Variants in SMAD5 observed in about 807,000 individuals in gnomAD.
SMAD5 encodes the protein SMAD family member 5.
SMAD5 carries 9 observed loss-of-function variants against 43.1 expected under a neutral mutation model. The ratio of observed to expected loss-of-function variants is 0.21; its 90% CI spans 0.13 to 0.36. The LOEUF (loss-of-function observed/expected upper bound fraction) is 0.36, where lower values mean the gene tolerates loss of function less well. Among genes scored for constraint, SMAD5 ranks in the 10% least tolerant of loss-of-function variants. The pLI is 1.00. For missense variants in SMAD5, 348 were observed against 574.0 expected, an observed-to-expected ratio of 0.61 and a Z score of 4.02; for synonymous variants, 190 against 192.4, an observed-to-expected ratio of 0.99 and a Z score of 0.10.
At chr5:136,144,725 G>A (rs1230246124) in intron 1 of SMAD5, among the ~76,000 whole-genome samples, 1 of 151,858 alleles carries the variant, frequency 6.6e-6, no homozygotes, top group Non-Finnish European at 1.5e-5. Flanking sequence ...CTGCTCAGAA[G>A]CCAGATTGTC....
Position 136,172,531 on chromosome 5 carries a change from T to A in SMAD5, c.873T>A (p.Ser291=). The part of the protein sequence containing the change: ...NRVGEAFHAS[S]TSVLVDGFTD... Reference sequence around the variant, plus strand: ...TTGGAGAAGCTTTTCATGCATCTTCTACTAGTGTGTTAGTAGATGGATTCA... The same window carrying A: ...TTGGAGAAGCTTTTCATGCATCTTCAACTAGTGTGTTAGTAGATGGATTCA... Residue 291 remains serine, a synonymous_variant, in exon 6 of 8, where the codon TCT becomes TCA. Coordinates refer to ENST00000545279, the MANE Select transcript of SMAD5 (RefSeq NM_005903.7). 1 of 1,610,874 alleles carries A rather than the reference T, an allele frequency of 6.2e-7. No homozygotes were observed. Among genetic ancestry groups the A allele is most frequent in the Non-Finnish European group, 8.5e-7 (1 of 1,177,092 alleles).
intron 4 of SMAD5, 48 bp downstream of exon 4, chr5:136,161,155 T>G (rs1430589694): frequency 6.4e-7 from 1 of 1,562,120 alleles, no homozygotes; most frequent in Non-Finnish European, 8.7e-7. Context: ...TTCCTAAGAA[T>G]CACAGTTGTT....
At chr5:136,136,474 G>A (rs936633268) in intron 1 of SMAD5, among the ~76,000 whole-genome samples, 6 of 152,196 alleles carry the variant, frequency 3.9e-5, no homozygotes, top group African/African-American at 1.4e-4. Flanking sequence ...GTTCATTGGT[G>A]TTGTCACATA....
chr5:136,176,457 C>CAAAAAAAAAAAAAA (rs60311104), intron 7 of SMAD5, among the ~76,000 whole-genome samples: 22 of 68,508 alleles, frequency 3.2e-4, no homozygotes, highest in East Asian at 1.4e-3. Flanking sequence ...CTCTGTCTCA[C>CAAAAAAAAAAAAAA]AAAAAAAAAA....
chr5:136,142,427 C>G lies in SMAD5; in HGVS notation c.-244-5405C>G, dbSNP rs1223930522. On this transcript the variant is annotated intron_variant, in intron 1 of 7. Coordinates refer to ENST00000545279, the MANE Select transcript of SMAD5 (RefSeq NM_005903.7). ...TTATGGCTGAGGTACCACTGCATCTCTTTTGGTACACTAATGACGTTCTGT... is the reference window on the plus strand; with the variant it reads ...TTATGGCTGAGGTACCACTGCATCTGTTTTGGTACACTAATGACGTTCTGT... Among the ~76,000 whole-genome samples the G allele has an allele frequency of 2.6e-5, 4 of 152,128 alleles. No homozygotes were observed. In the East Asian group the frequency reaches 7.7e-4, roughly 29 times the overall value.
rs141448634 is a variant in SMAD5 at position 136,171,374 on chromosome 5, A to G, written c.776-1060A>G. ...GTTTATGTTAGAAAAACAATTAAAA[A>G]TGTGTTGTTGCTGCTATGTTCTGAA... On this transcript the variant is annotated intron_variant, in intron 5 of 7. Coordinates refer to ENST00000545279, the MANE Select transcript of SMAD5 (RefSeq NM_005903.7). 1.6e-3 allele frequency among the ~76,000 whole-genome samples: 247 copies of G among 152,364 alleles called. 2 individuals carry two copies. Among genetic ancestry groups the G allele is most frequent in the East Asian group, 9.8e-3 (51 of 5,190 alleles).
rs541307695 is a variant in SMAD5 at position 136,136,271 on chromosome 5, G to C, written c.-245+3309G>C. ...TGGCTCACTGCAACCTCCGCCTCCC[G>C]GGTTGAAGCAATTCTCCTGCCTCAG... is the stretch of plus-strand genomic sequence containing the variant. On this transcript the variant is annotated intron_variant, in intron 1 of 7. Coordinates refer to ENST00000545279, the MANE Select transcript of SMAD5 (RefSeq NM_005903.7). 3.3e-5 allele frequency among the ~76,000 whole-genome samples: 5 copies of C among 152,176 alleles called. No homozygotes were observed. The South Asian group carries it at 1.0e-3, about 32-fold the overall frequency.
intron 1 of SMAD5, among the ~76,000 whole-genome samples, chr5:136,139,605 T>A (rs1753003599): frequency 6.6e-6 from 1 of 152,150 alleles, no homozygotes; most frequent in Non-Finnish European, 1.5e-5. Flanking sequence ...TCTTCTCCCC[T>A]CCCTTAGATT....
At chr5:136,170,582 A>G (rs920457833) in intron 5 of SMAD5, among the ~76,000 whole-genome samples, 1 of 152,150 alleles carries the variant, frequency 6.6e-6, no homozygotes, top group Admixed American at 6.5e-5. Flanking sequence ...ACCTCCCCAT[A>G]TAAAGTACAG....
intron 2 of SMAD5, among the ~76,000 whole-genome samples, chr5:136,151,237 TAAAC>T (rs1188279688): frequency 1.3e-5 from 2 of 151,956 alleles, no homozygotes; most frequent in African/African-American, 2.4e-5. Flanking sequence ...ACAAAGTAAA[TAAAC>T]AAAGTTGATA....
At chr5:136,137,053 G>C (rs929724758) in intron 1 of SMAD5, among the ~76,000 whole-genome samples, 2 of 150,950 alleles carry the variant, frequency 1.3e-5, no homozygotes, top group Admixed American at 6.6e-5. Context: ...GGGCAGCTAG[G>C]GGGGATGTTT....
intron 5 of SMAD5, among the ~76,000 whole-genome samples, chr5:136,172,217 C>T (rs549274447): frequency 1.8e-4 from 27 of 152,304 alleles, no homozygotes; most frequent in African/African-American, 6.5e-4. Context: ...ATTGCCGATC[C>T]TGGTATTTCT....
intron 7 of SMAD5, 81 bp downstream of exon 7, chr5:136,174,713 T>A: frequency 1.0e-6 from 1 of 980,550 alleles, no homozygotes; most frequent in Non-Finnish European, 1.5e-6. Flanking sequence ...TAAAAATTGT[T>A]AAATGAAAGT....
intron 1 of SMAD5, among the ~76,000 whole-genome samples, chr5:136,146,018 G>A (rs1325841563): frequency 4.6e-5 from 7 of 151,952 alleles, no homozygotes; most frequent in South Asian, 4.1e-4. Context: ...ACTGTGTATC[G>A]TAGATAGTTA....
intron 6 of SMAD5, 80 bp downstream of exon 6, chr5:136,172,735 C>A: frequency 2.1e-6 from 2 of 958,168 alleles, no homozygotes; most frequent in Non-Finnish European, 1.7e-6. Context: ...GTGAAAGGTG[C>A]TAGAAACATA....
intron 5 of SMAD5, among the ~76,000 whole-genome samples, chr5:136,166,701 G>A (rs552398576): frequency 7.2e-5 from 11 of 152,226 alleles, no homozygotes; most frequent in Middle Eastern, 3.4e-3. Flanking sequence ...ACATTAGGCC[G>A]TACACAATAA....
chr5:136,143,078 G>A (rs530815317), intron 1 of SMAD5, among the ~76,000 whole-genome samples: 1 of 151,852 alleles, frequency 6.6e-6, no homozygotes, highest in Admixed American at 6.6e-5. Context: ...TTCTCCTTGA[G>A]CTTTAATTTT....
In SMAD5 at chr5:136,174,520, A is replaced by G. The variant is rs1272372455; in HGVS notation, c.1142A>G (p.Lys381Arg). 3.1e-6 allele frequency: 5 copies of G among 1,613,764 alleles called. No individual in the cohort carries two copies. Among genetic ancestry groups the G allele is most frequent in the Non-Finnish European group, 3.4e-6 (4 of 1,179,838 alleles). ...AAGATTCCCAGCAGCTGCAGCCTCA[A>G]AATTTTTAACAATCAGGAGTTTGCT... is the stretch of plus-strand genomic sequence containing the variant. ...VCKIPSSCSL[K>R]IFNNQEFAQL... Residue 381 changes from lysine (K) to arginine (R), a missense_variant, in exon 7 of 8, where the codon AAA (lysine) becomes AGA (arginine). Lys to Arg is a conservative substitution (Grantham distance 26, BLOSUM62 2). Transcript: ENST00000545279.
At chr5:136,145,142 C>T (rs980198465) in intron 1 of SMAD5, among the ~76,000 whole-genome samples, 1 of 151,148 alleles carries the variant, frequency 6.6e-6, no homozygotes, top group South Asian at 2.1e-4. Flanking sequence ...CATAACATAA[C>T]ATTAACTGTC....
Sources: gnomAD v4.1 joint callset for allele counts (sites outside exome capture counted in the v4.1 genomes callset) on GRCh38, gnomAD v4.1.1 for gene constraint, MANE v1.5 for transcripts, NCBI Gene and HGNC (gene_info 2026-07-23, HGNC 2026-07-21) for gene names.